Variants in CYLD observed in about 807,000 individuals in gnomAD.
CYLD encodes CYLD lysine 63 deubiquitinase.
Under a neutral mutation model 104.5 loss-of-function variants are expected in CYLD, and 26 were observed. That is an observed-to-expected ratio of 0.25 (90% CI 0.18 to 0.35). CYLD has a LOEUF of 0.35. Ranked by LOEUF, CYLD falls within the 10% of genes least tolerant of loss-of-function variation. The probability of loss-of-function intolerance (pLI) is 1.00; values close to 1 mark genes in which losing one functional copy is unlikely to be tolerated. For synonymous variants in CYLD, 385 were observed against 399.9 expected (o/e 0.96, Z 0.45); for missense variants, 703 against 1,136.1 (o/e 0.62, Z 5.48).
At chr16:50,774,667 G>A (rs989693595) in intron 5 of CYLD, among the ~76,000 whole-genome samples, 1 of 152,176 alleles carries the variant, frequency 6.6e-6, no homozygotes, top group Non-Finnish European at 1.5e-5. Flanking sequence ...GACGGGGATG[G>A]GTTACGTCAG....
chr16:50,776,514 T>A (rs1426803999), intron 7 of CYLD, among the ~76,000 whole-genome samples: 1 of 152,214 alleles, frequency 6.6e-6, no homozygotes, highest in Non-Finnish European at 1.5e-5. Flanking sequence ...TGCTGGTCTA[T>A]AATCAAATGG....
At chr16:50,786,994 C>A (rs1424897669) in intron 13 of CYLD, 48 bp downstream of exon 13, 2 of 1,423,966 alleles carry the variant, frequency 1.4e-6, no homozygotes, top group Non-Finnish European at 2.0e-6. Context: ...AGAGCATATT[C>A]ACATGTCAAA....
At chr16:50,782,525 G>GGTGTGT (rs533669286) in intron 11 of CYLD, 59 bp downstream of exon 11, 5 of 1,462,458 alleles carry the variant, frequency 3.4e-6, no homozygotes, top group East Asian at 2.3e-5. Flanking sequence ...GACACATACC[G>GGTGTGT]GTGTGTGTGT....
At chr16:50,743,923 C>T (rs906132100) in intron 2 of CYLD, among the ~76,000 whole-genome samples, 2 of 152,186 alleles carry the variant, frequency 1.3e-5, no homozygotes, top group African/African-American at 4.8e-5. Flanking sequence ...ATTCCTGAGT[C>T]TTTTTCTCTT....
rs182950511 is a variant in CYLD, at chr16:50,800,204, C to T, written c.*3696C>T. The T allele has an allele frequency of 4.3e-6, 1 of 232,996 alleles. No individual in the cohort carries two copies. Among genetic ancestry groups the T allele is most frequent in the Non-Finnish European group, 8.5e-6 (1 of 117,878 alleles). 14.4% of individuals were successfully genotyped at this position (232,996 alleles called of 1,614,324 possible). On this transcript the variant is annotated 3_prime_UTR_variant, in exon 19 of 19. Coordinates refer to ENST00000427738, the MANE Select transcript of CYLD (RefSeq NM_001378743.1). Reference sequence around the variant, plus strand: ...TACTGAATTGTATGGGAAAAAAATACAAATTCCTGGGTCCTAGGCCATGCC... The same window carrying T: ...TACTGAATTGTATGGGAAAAAAATATAAATTCCTGGGTCCTAGGCCATGCC...
Position 50,794,619 on chromosome 16 carries a change from G to GTTT in CYLD, c.2686+200_2686+202dup, listed in dbSNP as rs397717971. 8.5e-4 allele frequency: 458 copies of GTTT among 539,282 alleles called. No homozygotes were observed. The highest frequency in any genetic ancestry group is 1.6e-3 in the African/African-American group (83 of 50,936). The allele number at this position is 539,282 out of a possible 1,614,324, so 33.4% of individuals were successfully genotyped here. On this transcript the variant is annotated intron_variant, in intron 18 of 18. Transcript: ENST00000427738. The surrounding 1 kb of genome is among the most constrained non-coding windows in gnomAD (Gnocchi z 4.1). ...GCTGAACTAAGGAATAATATGCTGTGTTTTTTTTTTTCCTTTTTTGAGATG... is the reference window on the plus strand; with the variant it reads ...GCTGAACTAAGGAATAATATGCTGTGTTTTTTTTTTTTTTCCTTTTTTGAGATG...
chr16:50,761,965 G>C (rs545958663), intron 5 of CYLD, among the ~76,000 whole-genome samples: 1 of 152,228 alleles, frequency 6.6e-6, no homozygotes, highest in Admixed American at 6.5e-5. Flanking sequence ...GTATATTTCT[G>C]GACTTTCTAT....
At chr16:50,746,367 C>T (rs1351524070) in intron 2 of CYLD, among the ~76,000 whole-genome samples, 1 of 152,162 alleles carries the variant, frequency 6.6e-6, no homozygotes, top group Non-Finnish European at 1.5e-5. Context: ...CAGTTGATTG[C>T]CTTGTATATC....
chr16:50,748,721 C>T (rs932654136), intron 2 of CYLD, among the ~76,000 whole-genome samples: 8 of 151,856 alleles, frequency 5.3e-5, no homozygotes, highest in African/African-American at 1.7e-4. Flanking sequence ...CTGATATTTG[C>T]GATTTGAGAA....
intron 5 of CYLD, among the ~76,000 whole-genome samples, chr16:50,757,009 G>C (rs1967322468): frequency 6.6e-6 from 1 of 152,020 alleles, no homozygotes; most frequent in Admixed American, 6.6e-5. Context: ...GTATACTTGG[G>C]AATATTGTTT....
At chr16:50,760,551 TAC>T (rs1451774958) in intron 5 of CYLD, among the ~76,000 whole-genome samples, 1 of 152,178 alleles carries the variant, frequency 6.6e-6, no homozygotes. Flanking sequence ...GTGTAGTAGA[TAC>T]ACTATTCTGC....
intron 5 of CYLD, among the ~76,000 whole-genome samples, chr16:50,760,453 CA>C (rs1257829933): frequency 6.6e-6 from 1 of 152,102 alleles, no homozygotes; most frequent in African/African-American, 2.4e-5. Context: ...TCACTAGTCA[CA>C]GTTTTTATGA....
rs533369293 is a variant in CYLD at position 50,792,435 on chromosome 16, G to T, written c.2242-162G>T. 5.9e-5 allele frequency among the ~76,000 whole-genome samples: 9 copies of T among 152,264 alleles called. 1 individual carries two copies. Among genetic ancestry groups the T allele is most frequent in the African/African-American group, 2.2e-4 (9 of 41,534 alleles). On this transcript the variant is annotated intron_variant, in intron 15 of 18. Coordinates refer to ENST00000427738, the MANE Select transcript of CYLD (RefSeq NM_001378743.1). ...CCACTTGAAGACTTGTGGCTTATTG[G>T]TGTCCTCTGTCCACAGCCCATGGTC...
At chr16:50,789,420 G>T (rs1348586702) in intron 14 of CYLD, among the ~76,000 whole-genome samples, 3 of 151,906 alleles carry the variant, frequency 2.0e-5, no homozygotes, top group Non-Finnish European at 4.4e-5. Flanking sequence ...TGTAATACAC[G>T]CCCAGTAATA....
In CYLD at chr16:50,801,536, G is replaced by A. The variant is rs1488720359; in HGVS notation, c.*5028G>A. 2.1e-5 allele frequency: 5 copies of A among 233,550 alleles called. No individual in the cohort carries two copies. Among genetic ancestry groups the A allele is most frequent in the Non-Finnish European group, 3.4e-5 (4 of 118,002 alleles). The allele number at this position is 233,550 out of a possible 1,614,324, so 14.5% of individuals were successfully genotyped here. ...TTATATTGGAGACTCAACTGCCCTTGGTTTTAGTTTATAAAATGGCCTAGT... is the reference window on the plus strand; with the variant it reads ...TTATATTGGAGACTCAACTGCCCTTAGTTTTAGTTTATAAAATGGCCTAGT... On this transcript the variant is annotated 3_prime_UTR_variant, in exon 19 of 19. Coordinates refer to ENST00000427738, the MANE Select transcript of CYLD (RefSeq NM_001378743.1).
intron 5 of CYLD, among the ~76,000 whole-genome samples, chr16:50,765,767 A>G (rs557571255): frequency 1.5e-3 from 227 of 152,360 alleles, no homozygotes; most frequent in Non-Finnish European, 2.8e-3. Context: ...AGAAAGGTTT[A>G]GTTATCTGGA....
At chr16:50,792,846 C>T (rs1425847735) in intron 16 of CYLD, 141 bp downstream of exon 16, 1 of 566,904 alleles carries the variant, frequency 1.8e-6, no homozygotes, top group Non-Finnish European at 3.2e-6. Flanking sequence ...AAATATGAAA[C>T]CAGTCATTTT....
chr16:50,785,423 C>CTTTTTTTTTTTTTTTTTTTTTTTTT, intron 12 of CYLD: 1 of 152,176 alleles, frequency 6.6e-6, no homozygotes, highest in East Asian at 1.9e-4. Context: ...ATATCTTTTG[C>CTTTTTTTTTTTTTTTTTTTTTTTTT]TTTCTTTAAA....
intron 2 of CYLD, among the ~76,000 whole-genome samples, chr16:50,745,033 G>T (rs776364821): frequency 1.3e-5 from 2 of 152,198 alleles, no homozygotes; most frequent in Non-Finnish European, 2.9e-5. Context: ...GTTTCAACTC[G>T]TTGGTAATTT....
Sources: gnomAD v4.1 joint callset for allele counts (sites outside exome capture counted in the v4.1 genomes callset) on GRCh38, gnomAD v4.1.1 for gene constraint, Gnocchi (gnomAD v3.1) non-coding constraint, MANE v1.5 for transcripts, NCBI Gene and HGNC (gene_info 2026-07-23, HGNC 2026-07-21) for gene names.